TBCK: variants seen among roughly 807,000 people sequenced by gnomAD.
TBCK encodes the protein TBC1 domain containing kinase.
In TBCK, 99 loss-of-function variants were observed where a neutral mutation model predicts 113.4. The observed-to-expected ratio is 0.87, with a 90% CI of 0.74 to 1.03. The LOEUF (loss-of-function observed/expected upper bound fraction) is 1.03. Ranked by LOEUF, TBCK falls within the 50% of genes least tolerant of loss-of-function variation. TBCK has a pLI of 0.00. For synonymous variants in TBCK, 369 were observed against 370.8 expected (o/e 1.00, Z 0.05); for missense variants, 1,045 against 1,061.3 (o/e 0.98, Z 0.21).
chr4:106,120,749 G>A (rs915782578), intron 23 of TBCK, among the ~76,000 whole-genome samples: 1 of 152,174 alleles, frequency 6.6e-6, no homozygotes, highest in East Asian at 1.9e-4. Flanking sequence ...ACCTGTAGCT[G>A]AGGGTCCTGT....
intron 3 of TBCK, among the ~76,000 whole-genome samples, chr4:106,279,495 C>T (rs1764365669): frequency 6.6e-6 from 1 of 152,020 alleles, no homozygotes; most frequent in Admixed American, 6.6e-5. Flanking sequence ...TTAAGATGTA[C>T]AATAAATTAT....
At chr4:106,233,121 C>G (rs1759053110) in intron 16 of TBCK, 57 bp from the exon 17 acceptor site, 1 of 1,440,760 alleles carries the variant, frequency 6.9e-7, no homozygotes, top group African/African-American at 1.4e-5. Flanking sequence ...AGCAATAAAC[C>G]CTTAATCCTT....
intron 20 of TBCK, among the ~76,000 whole-genome samples, chr4:106,198,265 T>G (rs1055987483): frequency 6.6e-6 from 1 of 152,176 alleles, no homozygotes; most frequent in African/African-American, 2.4e-5. Context: ...GTCTTAACTA[T>G]GTCATAGAGA....
intron 23 of TBCK, among the ~76,000 whole-genome samples, chr4:106,156,630 G>A (rs1749157039): frequency 6.6e-6 from 1 of 152,114 alleles, no homozygotes; most frequent in African/African-American, 2.4e-5. Flanking sequence ...AGGCAGAAGG[G>A]CCTCACCCTA....
chr4:106,157,424 T>TTGCA (rs1749257312), intron 23 of TBCK, among the ~76,000 whole-genome samples: 1 of 151,940 alleles, frequency 6.6e-6, no homozygotes, highest in Admixed American at 6.6e-5. Context: ...TCCCCAAGAG[T>TTGCA]TGCAGTCCTT....
intron 25 of TBCK, among the ~76,000 whole-genome samples, chr4:106,091,479 G>A (rs191719171): frequency 2.8e-4 from 42 of 152,250 alleles, no homozygotes; most frequent in African/African-American, 9.9e-4. Context: ...TAAAGGCAGC[G>A]CGTCCAGAGT....
chr4:106,155,812 G>A (rs1333454593), intron 23 of TBCK, among the ~76,000 whole-genome samples: 1 of 151,960 alleles, frequency 6.6e-6, no homozygotes, highest in African/African-American at 2.4e-5. Flanking sequence ...ATTTCTTTGA[G>A]TTTCCTAAAA....
chr4:106,131,215 C>T (rs1745879332), intron 23 of TBCK, among the ~76,000 whole-genome samples: 1 of 152,214 alleles, frequency 6.6e-6, no homozygotes, highest in Non-Finnish European at 1.5e-5. Context: ...TGCCTTCCAC[C>T]ATGACAGGCC....
At chr4:106,234,637 T>C in intron 15 of TBCK, among the ~76,000 whole-genome samples, 1 of 152,020 alleles carries the variant, frequency 6.6e-6, no homozygotes, top group Non-Finnish European at 1.5e-5. Context: ...AGGATAATTA[T>C]CTATAAGAGA....
At chr4:106,283,039 A>C (rs899268525) in intron 3 of TBCK, among the ~76,000 whole-genome samples, 2 of 152,180 alleles carry the variant, frequency 1.3e-5, no homozygotes, top group Non-Finnish European at 2.9e-5. Context: ...TATTTTTAAA[A>C]AACATTTCTA....
rs117481766 is a variant in TBCK at position 106,094,844 on chromosome 4, C to T, written c.2571+638G>A. On this transcript the variant is annotated intron_variant, in intron 25 of 25. Coordinates refer to ENST00000394708, the MANE Select transcript of TBCK (RefSeq NM_001163435.3). The stretch of plus-strand genomic sequence containing the variant: ...AGAGAAAGATCCTGTACTCGTTCAA[C>T]GTTGCCTATATCTAGATACCTTCTC... Among the ~76,000 whole-genome samples the T allele has an allele frequency of 3.4e-4, 52 of 152,312 alleles. No individual in the cohort carries two copies. The East Asian group carries it at 8.5e-3, about 25-fold the overall frequency.
At chr4:106,218,143 T>TGCTGGGAAAACTG (rs1420857064) in intron 19 of TBCK, among the ~76,000 whole-genome samples, 1 of 143,494 alleles carries the variant, frequency 7.0e-6, no homozygotes, top group East Asian at 2.0e-4. Flanking sequence ...TAATAAATGG[T>TGCTGGGAAAACTG]GCTGGGAAAA....
intron 25 of TBCK, among the ~76,000 whole-genome samples, chr4:106,074,645 C>A (rs1382051685): frequency 6.6e-6 from 1 of 152,096 alleles, no homozygotes; most frequent in East Asian, 1.9e-4. Flanking sequence ...AAATAACAGT[C>A]CAGGTACAAA....
intron 13 of TBCK, 77 bp downstream of exon 13, chr4:106,236,682 G>C: frequency 9.6e-7 from 1 of 1,046,484 alleles, no homozygotes; most frequent in Non-Finnish European, 1.3e-6. Context: ...ATTTTTCAAA[G>C]AAAATGTATA....
intron 2 of TBCK, among the ~76,000 whole-genome samples, chr4:106,307,361 A>C (rs1292800945): frequency 6.6e-6 from 1 of 152,168 alleles, no homozygotes; most frequent in Non-Finnish European, 1.5e-5. Context: ...TGTAATTAAA[A>C]TATGTAAAAC....
chr4:106,247,288 C>G lies in TBCK; in HGVS notation c.783-1G>C. On this transcript the variant is annotated splice_acceptor_variant, in intron 9 of 25. Coordinates refer to ENST00000394708, the MANE Select transcript of TBCK (RefSeq NM_001163435.3). LOFTEE classifies it high-confidence loss of function. The stretch of plus-strand genomic sequence containing the variant: ...CTTCATTAATTGATCTGGGGTTGGC[C>G]TTGAGAACATTTAAAATACAGAGCA... 6.2e-7 allele frequency: 1 copy of G among 1,610,506 alleles called. No homozygotes were observed. The highest frequency in any genetic ancestry group is 8.5e-7 in the Non-Finnish European group (1 of 1,177,684).
chr4:106,303,778 T>A (rs1767208044), intron 2 of TBCK, among the ~76,000 whole-genome samples: 1 of 152,148 alleles, frequency 6.6e-6, no homozygotes, highest in African/African-American at 2.4e-5. Flanking sequence ...CTACCCCTTC[T>A]TTTTTGCCTG....
At chr4:106,134,189 A>T (rs1294746206) in intron 23 of TBCK, among the ~76,000 whole-genome samples, 3 of 151,756 alleles carry the variant, frequency 2.0e-5, no homozygotes, top group South Asian at 2.1e-4. Flanking sequence ...ATTTTTTTTT[A>T]AAGTGACGTA....
chr4:106,146,389 A>C (rs1336329669), intron 23 of TBCK, among the ~76,000 whole-genome samples: 1 of 152,160 alleles, frequency 6.6e-6, no homozygotes, highest in Non-Finnish European at 1.5e-5. Flanking sequence ...TGGGAGCTAA[A>C]TGATAAGAAC....
Sources: gnomAD v4.1 joint callset for allele counts (sites outside exome capture counted in the v4.1 genomes callset) on GRCh38, gnomAD v4.1.1 for gene constraint, MANE v1.5 for transcripts, NCBI Gene and HGNC (gene_info 2026-07-23, HGNC 2026-07-21) for gene names.